Variants in LTBP4 observed in about 807,000 individuals in gnomAD.
The protein encoded by LTBP4 is latent-transforming growth factor beta-binding protein 4.
A neutral mutation model predicts 180.2 loss-of-function variants in LTBP4; 93 were observed. That is an observed-to-expected ratio of 0.52 (90% CI 0.44 to 0.61). LTBP4 has a LOEUF of 0.61. Ranked by LOEUF, LTBP4 falls within the 20% of genes least tolerant of loss-of-function variation. The probability of loss-of-function intolerance (pLI) is 0.00; values close to 1 mark genes in which losing one functional copy is unlikely to be tolerated. For synonymous variants in LTBP4, 947 were observed against 934.5 expected (o/e 1.01, Z -0.24); for missense variants, 2,116 against 2,256.5 (o/e 0.94, Z 1.26).
At chr19:40,602,521 C>A (rs1162232038) in intron 1 of LTBP4, among the ~76,000 whole-genome samples, 2 of 152,260 alleles carry the variant, frequency 1.3e-5, no homozygotes, top group East Asian at 3.9e-4. Context: ...CCAGCCCGGC[C>A]GGCGTGAGCT....
At position 40,605,654 on chromosome 19, in the gene LTBP4, TGA is replaced by T; in HGVS notation, c.690+6_690+7del. On this transcript the variant is annotated splice_donor_region_variant and intron_variant, in intron 3 of 29. Transcript: ENST00000396819. The surrounding 1 kb of genome is among the most constrained non-coding windows in gnomAD (Gnocchi z 5.5). ...TTTCGGGAGCTGCGCGGAGGCGAAG[TGA>T]GAGGAGGCCCGTGGGGAGGGGCCCG... 6.4e-7 allele frequency: 1 copy of T among 1,564,128 alleles called. No individual in the cohort carries two copies. The highest frequency in any genetic ancestry group is 8.7e-7 in the Non-Finnish European group (1 of 1,155,350).
In LTBP4 at chr19:40,617,036, G is replaced by T. The variant is rs988209595; in HGVS notation, c.2944+16G>T. Reference sequence around the variant, plus strand: ...GGATGCCAGGGTGGGTGTCCATCAGGCATCGGGTGAGATGTGGAGATGGTA... The same window carrying T: ...GGATGCCAGGGTGGGTGTCCATCAGTCATCGGGTGAGATGTGGAGATGGTA... On this transcript the variant is annotated intron_variant, in intron 20 of 29. Coordinates refer to ENST00000396819, the MANE Select transcript of LTBP4 (RefSeq NM_001042545.2). 6.2e-7 allele frequency: 1 copy of T among 1,612,918 alleles called. No homozygotes were observed. Among genetic ancestry groups the T allele is most frequent in the Non-Finnish European group, 8.5e-7 (1 of 1,178,946 alleles).
In LTBP4 at chr19:40,624,008, A is replaced by C. The variant is rs750577084; in HGVS notation, c.3758A>C (p.His1253Pro). 3 of 1,611,904 alleles carry C rather than the reference A, an allele frequency of 1.9e-6. No individual in the cohort carries two copies. The highest frequency in any genetic ancestry group is 3.3e-5 in the Admixed American group (2 of 59,862). ...TGTGTCAACACTGTGGGCTCTTATCACTGTACCTGCGAGCCCCCACTGGTG... is the reference window on the plus strand; with the variant it reads ...TGTGTCAACACTGTGGGCTCTTATCCCTGTACCTGCGAGCCCCCACTGGTG... ...GRCVNTVGSY[H>P]CTCEPPLVLD... The change falls in exon 26 of 30, where the codon CAC (histidine) becomes CCC (proline). Residue 1253 changes from histidine to proline, a missense_variant. His to Pro is a moderately conservative substitution (Grantham distance 77). Transcript: ENST00000396819.
intron 1 of LTBP4, 22 bp downstream of exon 1, chr19:40,601,659 C>G (rs1212573843): frequency 3.9e-5 from 52 of 1,335,804 alleles, no homozygotes; most frequent in Non-Finnish European, 4.9e-5. Context: ...GTGGTGGTCC[C>G]GAGAGAGCGG....
At position 40,611,254 on chromosome 19, in the gene LTBP4, C is replaced by G. The variant is rs776198890; in HGVS notation, c.1913C>G (p.Ser638Trp). The change falls in exon 13 of 30, where the codon TCG becomes TGG. Residue 638 changes from serine to tryptophan, a missense_variant. Ser to Trp is a radical substitution (Grantham distance 177, BLOSUM62 -3). Coordinates refer to ENST00000396819, the MANE Select transcript of LTBP4 (RefSeq NM_001042545.2). The surrounding 1 kb of genome is among the most constrained non-coding windows in gnomAD (Gnocchi z 4.4). ...RCVCPAGFRG[S>W]ACEEDVDECA... ...GTTTGCCCGGCTGGCTTCCGGGGCT[C>G]GGCGTGTGAAGAGGATGTGGATGAG... is the stretch of plus-strand genomic sequence containing the variant. 1.6e-5 allele frequency: 25 copies of G among 1,612,906 alleles called. No homozygotes were observed. The highest frequency in any genetic ancestry group is 1.9e-5 in the Non-Finnish European group (23 of 1,179,550).
In LTBP4 at chr19:40,617,567, C is replaced by G. The variant is rs183260497; in HGVS notation, c.3070+342C>G. Reference sequence around the variant, plus strand: ...GCTGAGGCACAAGAATTGCCTGAACCCAAGAGGTGGAGGTTGCAGTGAGCC... The same window carrying G: ...GCTGAGGCACAAGAATTGCCTGAACGCAAGAGGTGGAGGTTGCAGTGAGCC... On this transcript the variant is annotated intron_variant, in intron 21 of 29. Transcript: ENST00000396819. Among the ~76,000 whole-genome samples the G allele has an allele frequency of 6.7e-4, 101 of 150,890 alleles. 1 individual carries two copies. The East Asian group carries it at 0.018, about 27-fold the overall frequency.
upstream of LTBP4, among the ~76,000 whole-genome samples, chr19:40,596,708 G>A (rs558781768): frequency 6.6e-6 from 1 of 152,240 alleles, no homozygotes; most frequent in Non-Finnish European, 1.5e-5. Context: ...CTGGTGCAGG[G>A]TTGGTGCTCC....
At position 40,624,071 on chromosome 19, in the gene LTBP4, G is replaced by C; in HGVS notation, c.3821G>C (p.Ser1274Thr). Residue 1274 changes from serine (S) to threonine (T), a missense_variant, in exon 26 of 30, where the codon AGC becomes ACC. Transcript: ENST00000396819. ...CAGCGCCGCTGCGTCTCCAACGAGA[G>C]CCAGAGCCTCGGTAACCCCGCCCAC... ...GSQRRCVSNESQSLDDNLGVC... is the reference protein window; with the variant it reads ...GSQRRCVSNETQSLDDNLGVC... The C allele has an allele frequency of 6.4e-7, 1 of 1,567,810 alleles. No homozygotes were observed.
intron 15 of LTBP4, 143 bp downstream of exon 15, chr19:40,612,335 C>A: frequency 8.7e-7 from 1 of 1,149,012 alleles, no homozygotes; most frequent in Non-Finnish European, 1.2e-6. Flanking sequence ...CTGACCCTGA[C>A]CTGGACCACA....
intron 26 of LTBP4, among the ~76,000 whole-genome samples, chr19:40,625,452 C>T (rs986465541): frequency 6.6e-6 from 1 of 150,956 alleles, no homozygotes; most frequent in African/African-American, 2.4e-5. Flanking sequence ...GTGCTTCTTG[C>T]CACCTCTCTT....
At chr19:40,610,437 T>G in intron 11 of LTBP4, 95 bp from the exon 12 acceptor site, 1 of 1,440,586 alleles carries the variant, frequency 6.9e-7, no homozygotes, top group East Asian at 2.5e-5. Flanking sequence ...GGCCCAAGCT[T>G]GGTCCCGCTC....
chr19:40,622,191 G>T lies in LTBP4; in HGVS notation c.3218-210G>T, dbSNP rs913707115. Among the ~76,000 whole-genome samples, 2 of 152,198 alleles carry T rather than the reference G, an allele frequency of 1.3e-5. No homozygotes were observed. The highest frequency in any genetic ancestry group is 3.9e-4 in the East Asian group (2 of 5,192). ...TGCAGTGACGGGAAAGTGTGAGGTG[G>T]GGAGGCAAGAGATGCAGAAATGACA... On this transcript the variant is annotated intron_variant, in intron 22 of 29. Transcript: ENST00000396819. This position sits in a 1 kb window ranked among gnomAD's most constrained non-coding sequence, Gnocchi z 5.1.
intron 1 of LTBP4, among the ~76,000 whole-genome samples, chr19:40,602,778 T>TGGCCCACCCTGGGTGTA (rs1378814097): frequency 1.3e-5 from 2 of 152,136 alleles, no homozygotes; most frequent in African/African-American, 4.8e-5. Flanking sequence ...GGCCATCTAG[T>TGGCCCACCCTGGGTGTA]GGCCCACCCT....
upstream of LTBP4, among the ~76,000 whole-genome samples, chr19:40,597,002 G>A (rs1454580417): frequency 2.0e-5 from 3 of 152,120 alleles, no homozygotes; most frequent in African/African-American, 4.8e-5. Context: ...GGGAACTCGA[G>A]GTCCCCCGCG....
intron 11 of LTBP4, chr19:40,610,227 C>T: frequency 2.0e-6 from 1 of 501,488 alleles, no homozygotes; most frequent in Non-Finnish European, 3.5e-6. Flanking sequence ...CTCCTGACCG[C>T]GACCCCGATT....
chr19:40,628,808 C>T (rs996783509), intron 29 of LTBP4, among the ~76,000 whole-genome samples: 10 of 152,042 alleles, frequency 6.6e-5, no homozygotes, highest in Non-Finnish European at 1.3e-4. Flanking sequence ...AATGCATGAA[C>T]ATTTATTGTT....
At chr19:40,598,883 CTTTTGT>C (rs1267247387), upstream of LTBP4, among the ~76,000 whole-genome samples, 8 of 152,236 alleles carry the variant, frequency 5.3e-5, no homozygotes, top group South Asian at 8.3e-4. Flanking sequence ...GAAATCGAGT[CTTTTGT>C]TTTTGTTTTT....
intron 24 of LTBP4, 110 bp downstream of exon 24, chr19:40,623,131 T>A: frequency 2.8e-6 from 2 of 708,374 alleles, no homozygotes. Context: ...TGTATCTGTC[T>A]CCCCGACCCC....
At chr19:40,626,100 C>A in intron 27 of LTBP4, 91 bp downstream of exon 27, 1 of 1,416,774 alleles carries the variant, frequency 7.1e-7, no homozygotes, top group Non-Finnish European at 9.3e-7. Flanking sequence ...AACCCCCAGA[C>A]TCTATCCAAA....
Sources: gnomAD v4.1 joint callset for allele counts (sites outside exome capture counted in the v4.1 genomes callset) on GRCh38, gnomAD v4.1.1 for gene constraint, Gnocchi (gnomAD v3.1) non-coding constraint, MANE v1.5 for transcripts, NCBI Gene and HGNC (gene_info 2026-07-23, HGNC 2026-07-21) for gene names.